TMEM220: variants seen among roughly 807,000 people sequenced by gnomAD.
TMEM220 encodes transmembrane protein 220.
In TMEM220, 21 loss-of-function variants were observed where a neutral mutation model predicts 21.7. The observed-to-expected ratio is 0.97, with a 90% CI of 0.69 to 1.39. TMEM220 has a LOEUF of 1.39. TMEM220 is among the 40% of genes most tolerant of loss of function. TMEM220 has a pLI of 0.00. For missense variants in TMEM220, 191 were observed against 201.9 expected, an observed-to-expected ratio of 0.95 and a Z score of 0.33; for synonymous variants, 80 against 73.6, an observed-to-expected ratio of 1.09 and a Z score of -0.45.
intron 5 of TMEM220, among the ~76,000 whole-genome samples, chr17:10,721,020 A>C (rs1597527763): frequency 6.6e-6 from 1 of 152,330 alleles, no homozygotes; most frequent in Non-Finnish European, 1.5e-5. Context: ...TTAACTTTAA[A>C]TGTATATGTG....
At chr17:10,712,355 C>A (rs1567582432), downstream of TMEM220, among the ~76,000 whole-genome samples, 1 of 152,182 alleles carries the variant, frequency 6.6e-6, no homozygotes, top group Admixed American at 6.5e-5. Flanking sequence ...ACCAGATAAT[C>A]CAGGTAACCC....
Position 10,725,071 on chromosome 17 carries a change from C to G in TMEM220, c.227G>C (p.Gly76Ala), listed in dbSNP as rs1231377451. The G allele has an allele frequency of 1.2e-6, 2 of 1,614,112 alleles. No homozygotes were observed. The highest frequency in any genetic ancestry group is 1.3e-5 in the African/African-American group (1 of 74,998). Residue 76 changes from glycine to alanine, a missense_variant, in exon 4 of 6, where the codon GGC becomes GCC. Coordinates refer to ENST00000341871, the MANE Select transcript of TMEM220 (RefSeq NM_001004313.3). ...ACGATGCAAGAGGTAGGACGCCAAG[C>G]CAACAGCCCACACCGTACAAAAGAG... ...HILFCTVWAV[G>A]LASYLLHRTQ...
chr17:10,717,209 A>G (rs2074932369), intron 5 of TMEM220, among the ~76,000 whole-genome samples: 1 of 152,222 alleles, frequency 6.6e-6, no homozygotes, highest in African/African-American at 2.4e-5. Flanking sequence ...AGCTGGGACA[A>G]TAGCTAGCAT....
At chr17:10,725,249 C>A in intron 3 of TMEM220, 115 bp from the exon 4 acceptor site, 1 of 1,419,524 alleles carries the variant, frequency 7.0e-7, no homozygotes. Flanking sequence ...TTCAGACTCC[C>A]TCAGCCCCAT....
chr17:10,725,035 T>A lies in TMEM220; in HGVS notation c.263A>T (p.Asn88Ile). 1 of 1,614,180 alleles carries A rather than the reference T, an allele frequency of 6.2e-7. No individual in the cohort carries two copies. The highest frequency in any genetic ancestry group is 8.5e-7 in the Non-Finnish European group (1 of 1,180,028). Residue 88 changes from asparagine (N) to isoleucine (I), a missense_variant, in exon 4 of 6, where the codon AAC becomes ATC. Transcript: ENST00000341871. ...CCTGCCTTCTTCCTCATGTAAGATG[T>A]TCTGTTGTGTACGATGCAAGAGGTA... is the stretch of plus-strand genomic sequence containing the variant. Reference protein sequence around the residue: ...ASYLLHRTQQNILHEEEGREL... With the variant: ...ASYLLHRTQQIILHEEEGREL...
chr17:10,722,359 C>T (rs1283139313), intron 5 of TMEM220, among the ~76,000 whole-genome samples: 4 of 152,132 alleles, frequency 2.6e-5, no homozygotes, highest in African/African-American at 4.8e-5. Context: ...GAAATCTTTA[C>T]CTTTACATTT....
downstream of TMEM220, among the ~76,000 whole-genome samples, chr17:10,712,765 G>A (rs2151466483): frequency 1.3e-5 from 2 of 152,338 alleles, 1 homozygote; most frequent in South Asian, 4.1e-4. Context: ...CCAGAAAGGT[G>A]CCGGGCTGGG....
chr17:10,725,242 A>T, intron 3 of TMEM220, 108 bp from the exon 4 acceptor site: 1 of 1,462,958 alleles, frequency 6.8e-7, no homozygotes, highest in Admixed American at 2.0e-5. Context: ...AAAGACATTC[A>T]GACTCCCTCA....
Position 10,726,212 on chromosome 17 carries a change from T to A in TMEM220, c.155A>T (p.Glu52Val). 6.2e-7 allele frequency: 1 copy of A among 1,613,900 alleles called. No homozygotes were observed. The highest frequency in any genetic ancestry group is 8.5e-7 in the Non-Finnish European group (1 of 1,179,786). ...VLTLLVGLNP[E>V]VTGNVIWKSI... Reference sequence around the variant, plus strand: ...GAATGCAAGGCTTATACCTGTGACTTCAGGGTTAAGTCCAACAAGCAGGGT... The same window carrying A: ...GAATGCAAGGCTTATACCTGTGACTACAGGGTTAAGTCCAACAAGCAGGGT... The change falls in exon 3 of 6, where the codon GAA becomes GTA. Residue 52 changes from glutamate to valine, a missense_variant. Transcript: ENST00000341871.
chr17:10,716,350 C>T, intron 5 of TMEM220: 2 of 644,206 alleles, frequency 3.1e-6, no homozygotes, highest in South Asian at 1.4e-5. Context: ...CTCCATCATA[C>T]TTTTATGTAC....
chr17:10,717,698 G>A (rs1597524949), intron 5 of TMEM220, among the ~76,000 whole-genome samples: 2 of 151,912 alleles, frequency 1.3e-5, no homozygotes, highest in Non-Finnish European at 2.9e-5. Context: ...TTCTTTTTCT[G>A]TTCTCTGGAA....
At chr17:10,728,111 G>C (rs908367270) in intron 2 of TMEM220, among the ~76,000 whole-genome samples, 1 of 151,136 alleles carries the variant, frequency 6.6e-6, no homozygotes, top group Non-Finnish European at 1.5e-5. Context: ...GGTGAGCCTA[G>C]ATTGCGCCAT....
At chr17:10,726,033 C>T (rs2075045044) in intron 3 of TMEM220, among the ~76,000 whole-genome samples, 171 bp downstream of exon 3, 2 of 152,318 alleles carry the variant, frequency 1.3e-5, no homozygotes, top group South Asian at 2.1e-4. Context: ...ATCCTTCTGA[C>T]GTTTTCCTGA....
intron 5 of TMEM220, chr17:10,716,168 G>T: frequency 1.1e-6 from 1 of 893,616 alleles, no homozygotes; most frequent in Non-Finnish European, 1.8e-6. Flanking sequence ...AAGCCTTCTG[G>T]ATCCTTGGAT....
Position 10,713,383 on chromosome 17 carries a change from A to T in TMEM220, c.*2070T>A, listed in dbSNP as rs897333771. 1 of 152,086 alleles carries T rather than the reference A, an allele frequency of 6.6e-6. No homozygotes were observed. Among genetic ancestry groups the T allele is most frequent in the Non-Finnish European group, 1.5e-5 (1 of 67,990 alleles). The allele number at this position is 152,086 out of a possible 1,614,324, so 9.4% of individuals were successfully genotyped here. ...CTATTCCACCAAAAGTGCCTTTTAT[A>T]TGCTTAACTGAAGATGCGAAAGAGA... On this transcript the variant is annotated 3_prime_UTR_variant, in exon 6 of 6. Coordinates refer to ENST00000341871, the MANE Select transcript of TMEM220 (RefSeq NM_001004313.3).
intron 2 of TMEM220, among the ~76,000 whole-genome samples, 177 bp downstream of exon 2, chr17:10,728,854 A>G (rs2151482990): frequency 6.6e-6 from 1 of 152,322 alleles, no homozygotes. Context: ...CACACATTAC[A>G]TTAGAACTCT....
At chr17:10,711,680 ATG>A (rs1240987616), downstream of TMEM220, among the ~76,000 whole-genome samples, 1 of 152,222 alleles carries the variant, frequency 6.6e-6, no homozygotes, top group African/African-American at 2.4e-5. Context: ...CAGAAAAGTC[ATG>A]TAGTCCTCTT....
chr17:10,715,246 C>A lies in TMEM220; in HGVS notation c.*207G>T. 2.3e-6 allele frequency: 1 copy of A among 443,922 alleles called. No homozygotes were observed. The highest frequency in any genetic ancestry group is 4.0e-6 in the Non-Finnish European group (1 of 252,436). The allele number at this position is 443,922 out of a possible 1,614,324, so 27.5% of individuals were successfully genotyped here. A position where few individuals can be genotyped will look rare whatever the true frequency, so the allele number is the denominator to read the frequency against. ...TTCCACTACATTATGACACAAGACC[C>A]TGCAGAAAGTCGTCTGGAAAATATC... is the stretch of plus-strand genomic sequence containing the variant. On this transcript the variant is annotated 3_prime_UTR_variant, in exon 6 of 6. Coordinates refer to ENST00000341871, the MANE Select transcript of TMEM220 (RefSeq NM_001004313.3).
Position 10,723,279 on chromosome 17 carries a change from C to G in TMEM220, c.338G>C (p.Ser113Thr), listed in dbSNP as rs1271944215. The G allele has an allele frequency of 1.9e-6, 3 of 1,614,064 alleles. No homozygotes were observed. Among genetic ancestry groups the G allele is most frequent in the Non-Finnish European group, 2.5e-6 (3 of 1,179,966 alleles). ...IITAWIILCHSSSKNPVGGRI... is the reference protein window; with the variant it reads ...IITAWIILCHTSSKNPVGGRI... The stretch of plus-strand genomic sequence containing the variant: ...TGAGTTGAATACTTACTTTGAGGAA[C>G]TGTGGCACAGGATAATCCATGCTGT... Residue 113 changes from serine to threonine, a missense_variant, in exon 5 of 6, where the codon AGT (serine) becomes ACT (threonine). Transcript: ENST00000341871.
Sources: allele counts gnomAD v4.1 joint callset (sites outside exome capture counted in the v4.1 genomes callset), GRCh38; gene constraint gnomAD v4.1.1; transcripts MANE v1.5; gene names NCBI Gene and HGNC (gene_info 2026-07-23, HGNC 2026-07-21).